Variants in WDR41 observed in about 807,000 individuals in gnomAD.
WDR41 encodes the protein WD repeat-containing protein 41.
WDR41 carries 63 observed loss-of-function variants against 69.3 expected under a neutral mutation model. The observed-to-expected ratio is 0.91, with a 90% confidence interval of 0.74 to 1.12. The LOEUF (loss-of-function observed/expected upper bound fraction) is 1.12, where lower values mean the gene tolerates loss of function less well. WDR41 is among the 50% of genes most tolerant of loss of function. The pLI is 0.00. For synonymous variants in WDR41, 185 were observed against 192.1 expected (o/e 0.96, Z 0.31); for missense variants, 543 against 534.5 (o/e 1.02, Z -0.16).
At chr5:77,459,953 G>C (rs908035899) in intron 4 of WDR41, among the ~76,000 whole-genome samples, 2 of 152,126 alleles carry the variant, frequency 1.3e-5, no homozygotes, top group African/African-American at 4.8e-5. Flanking sequence ...AAACATCATA[G>C]CTTAGCCTGG....
chr5:77,538,229 A>C (rs1405281709), intron 1 of WDR41, among the ~76,000 whole-genome samples: 1 of 152,176 alleles, frequency 6.6e-6, no homozygotes, highest in African/African-American at 2.4e-5. Flanking sequence ...TGTTTCATTT[A>C]AGATAATGAC....
intron 1 of WDR41, among the ~76,000 whole-genome samples, chr5:77,568,037 T>A (rs1743667516): frequency 6.6e-6 from 1 of 152,100 alleles, no homozygotes; most frequent in African/African-American, 2.4e-5. Flanking sequence ...TGAGTCTATA[T>A]CAGCTATACT....
chr5:77,434,276 A>T (rs1188159124), intron 12 of WDR41, among the ~76,000 whole-genome samples: 2 of 151,984 alleles, frequency 1.3e-5, no homozygotes, highest in Non-Finnish European at 2.9e-5. Context: ...GCGCCATTGT[A>T]CTCCAACCTG....
At chr5:77,582,588 G>A in intron 1 of WDR41, 1 of 1,600,230 alleles carries the variant, frequency 6.2e-7, no homozygotes, top group Non-Finnish European at 8.5e-7. Flanking sequence ...AAATTCGAGT[G>A]GCGAGGATGG....
chr5:77,476,562 C>A (rs1225977878), intron 2 of WDR41, among the ~76,000 whole-genome samples: 10 of 150,960 alleles, frequency 6.6e-5, no homozygotes, highest in Non-Finnish European at 1.3e-4. Flanking sequence ...AATTTCATAT[C>A]CAGCCAAACT....
chr5:77,441,807 CA>C (rs1799179486), intron 8 of WDR41, among the ~76,000 whole-genome samples: 1 of 150,466 alleles, frequency 6.6e-6, no homozygotes, highest in Admixed American at 6.6e-5. Flanking sequence ...ACTTGGATGA[CA>C]AAACAGGTTT....
rs541011787 is a variant in WDR41 at position 77,542,667 on chromosome 5, A to T, written c.43-53095T>A. ...GAATTAAAATGTTCTAAGATTCAACATAGTACTGGAAGTCCTAGCCAGAGC... is the reference window on the plus strand; with the variant it reads ...GAATTAAAATGTTCTAAGATTCAACTTAGTACTGGAAGTCCTAGCCAGAGC... On this transcript the variant is annotated intron_variant, in intron 1 of 5. Transcript: ENST00000509971. 7.2e-5 allele frequency among the ~76,000 whole-genome samples: 11 copies of T among 152,362 alleles called. No homozygotes were observed. In the South Asian group the frequency reaches 1.4e-3, roughly 20 times the overall value.
intron 2 of WDR41, among the ~76,000 whole-genome samples, chr5:77,479,258 T>G (rs1008565577): frequency 6.6e-6 from 1 of 151,698 alleles, no homozygotes; most frequent in African/African-American, 2.4e-5. Context: ...CAAGGTAATT[T>G]ATAGATTCAG....
intron 1 of WDR41, among the ~76,000 whole-genome samples, chr5:77,541,668 T>C (rs1743091023): frequency 6.6e-6 from 1 of 152,126 alleles, no homozygotes; most frequent in Non-Finnish European, 1.5e-5. Context: ...AATTTTTGTA[T>C]TTTTAGTAGA....
intron 1 of WDR41, among the ~76,000 whole-genome samples, chr5:77,548,998 T>C (rs1488319488): frequency 1.3e-5 from 2 of 152,096 alleles, no homozygotes; most frequent in Admixed American, 1.3e-4. Context: ...CTGGATGAGA[T>C]TGGAGACTAT....
At chr5:77,433,309 A>AT (rs1242045969) in intron 12 of WDR41, 22 bp from the exon 13 acceptor site, 2 of 1,603,780 alleles carry the variant, frequency 1.2e-6, no homozygotes, top group Middle Eastern at 1.7e-4. Context: ...ATTAAAACTG[A>AT]TTATAGGGAC....
At chr5:77,448,868 A>AAAACAAACAAAC (rs10646790) in intron 8 of WDR41, among the ~76,000 whole-genome samples, 4,096 of 149,266 alleles carry the variant, frequency 0.027, 74 homozygotes, top group Middle Eastern at 0.062. Flanking sequence ...ACTCCATCTC[A>AAAACAAACAAAC]AAACAAACAA....
intron 1 of WDR41, among the ~76,000 whole-genome samples, chr5:77,572,479 T>C (rs1743750520): frequency 1.3e-5 from 2 of 152,226 alleles, no homozygotes; most frequent in Non-Finnish European, 2.9e-5. Context: ...TTTTATTTTG[T>C]TTCACGTTGT....
At chr5:77,459,746 G>A (rs1184544629) in intron 4 of WDR41, among the ~76,000 whole-genome samples, 1 of 152,176 alleles carries the variant, frequency 6.6e-6, no homozygotes, top group Non-Finnish European at 1.5e-5. Flanking sequence ...ATACATGTAT[G>A]TACTACGTAT....
At chr5:77,439,186 T>C (rs192770962) in intron 9 of WDR41, among the ~76,000 whole-genome samples, 42 of 152,318 alleles carry the variant, frequency 2.8e-4, no homozygotes, top group Non-Finnish European at 4.9e-4. Context: ...GAATCATCCA[T>C]TCTTACTCAA....
At chr5:77,485,068 G>A (rs532575302) in intron 2 of WDR41, among the ~76,000 whole-genome samples, 2 of 152,256 alleles carry the variant, frequency 1.3e-5, no homozygotes, top group East Asian at 3.9e-4. Flanking sequence ...GTCCCCATTG[G>A]GCTGGCAGAA....
In WDR41 at chr5:77,431,800, T is replaced by C. The variant is rs180899544; in HGVS notation, c.*1335A>G. 5.9e-5 allele frequency: 9 copies of C among 152,358 alleles called. No homozygotes were observed. The highest frequency in any genetic ancestry group is 5.2e-4 in the Admixed American group (8 of 15,312). The allele number at this position is 152,358 out of a possible 1,614,324, so 9.4% of individuals were successfully genotyped here. On this transcript the variant is annotated 3_prime_UTR_variant, in exon 13 of 13. Transcript: ENST00000296679. ...AATAATGGGAGAAAGTCTTCTGTAA[T>C]TGAGGTAGCTTAAGTTTTAATATTT...
chr5:77,591,944 C>T (rs555800231), intron 1 of WDR41, among the ~76,000 whole-genome samples: 1 of 152,088 alleles, frequency 6.6e-6, no homozygotes, highest in South Asian at 2.1e-4. Flanking sequence ...TTTTCCCTGC[C>T]TCCTCTATTG....
chr5:77,574,160 T>C (rs1743783740), intron 1 of WDR41, among the ~76,000 whole-genome samples: 1 of 152,004 alleles, frequency 6.6e-6, no homozygotes, highest in Admixed American at 6.5e-5. Flanking sequence ...TAGCCAGGTA[T>C]GGTGGCACGT....
Sources: gnomAD v4.1 joint callset for allele counts (sites outside exome capture counted in the v4.1 genomes callset) on GRCh38, gnomAD v4.1.1 for gene constraint, MANE v1.5 for transcripts, NCBI Gene and HGNC (gene_info 2026-07-23, HGNC 2026-07-21) for gene names.